Variants in TASOR observed in about 807,000 individuals in gnomAD.
The protein encoded by TASOR is protein TASOR.
In TASOR, 53 loss-of-function variants were observed where a neutral mutation model predicts 178.6. The observed-to-expected ratio is 0.30, with a 90% CI of 0.24 to 0.37. TASOR has a LOEUF of 0.37. Ranked by LOEUF, TASOR falls within the 10% of genes least tolerant of loss-of-function variation. The probability of loss-of-function intolerance (pLI) is 1.00; values close to 1 mark genes in which losing one functional copy is unlikely to be tolerated. For synonymous variants in TASOR, 713 were observed against 696.2 expected (o/e 1.02, Z -0.38); for missense variants, 1,815 against 1,971.4 (o/e 0.92, Z 1.50).
chr3:56,623,510 C>A lies in TASOR; in HGVS notation c.4540G>T (p.Glu1514Ter). The part of the protein sequence containing the change: ...EEDMSLDSGD[E>*]ISHIEVCSNF... ...CTGCATACTTCTATATGTGAGATTT[C>A]ATCCCCTGAATCCAGAGACATATCC... Residue 1514 changes from glutamate to a stop codon, truncating the protein, a stop_gained, in exon 24 of 24, where the codon GAA becomes TAA. Transcript: ENST00000683822. LOFTEE classifies it high-confidence loss of function. 1 of 1,610,348 alleles carries A rather than the reference C, an allele frequency of 6.2e-7. No individual in the cohort carries two copies.
chr3:56,625,104 A>G, intron 21 of TASOR, 98 bp from the exon 22 acceptor site: 1 of 1,038,962 alleles, frequency 9.6e-7, no homozygotes, highest in Non-Finnish European at 1.4e-6. Context: ...CACTGAGGCA[A>G]CTAATGACAA....
chr3:56,639,641 T>A (rs2077083073), intron 16 of TASOR, among the ~76,000 whole-genome samples: 1 of 152,228 alleles, frequency 6.6e-6, no homozygotes, highest in African/African-American at 2.4e-5. Flanking sequence ...TAATTGGTTG[T>A]CCAAAGAGCA....
At chr3:56,643,774 A>AAC (rs1451278629) in intron 14 of TASOR, among the ~76,000 whole-genome samples, 2 of 152,008 alleles carry the variant, frequency 1.3e-5, no homozygotes, top group African/African-American at 2.4e-5. Flanking sequence ...AAAAACAAAA[A>AAC]AAAAAGTTAG....
chr3:56,659,232 CA>C (rs2077541787), intron 11 of TASOR, among the ~76,000 whole-genome samples: 1 of 152,010 alleles, frequency 6.6e-6, no homozygotes, highest in Non-Finnish European at 1.5e-5. Context: ...AACTGAGGCT[CA>C]ACAAAGTGAG....
intron 1 of TASOR, 95 bp downstream of exon 1, chr3:56,682,581 T>G (rs964274083): frequency 1.4e-5 from 16 of 1,130,684 alleles, no homozygotes; most frequent in Non-Finnish European, 1.9e-5. Context: ...CGTGTTTACG[T>G]ATCTCGGATG....
chr3:56,646,843 A>T lies in TASOR; in HGVS notation c.1894T>A (p.Phe632Ile). 6.2e-7 allele frequency: 1 copy of T among 1,607,192 alleles called. No individual in the cohort carries two copies. The highest frequency in any genetic ancestry group is 1.1e-5 in the South Asian group (1 of 88,776). Reference sequence around the variant, plus strand: ...CCTTCATAATCTGAAAGTGGACTAAACTGCTGAAGTTTTCTATTTTCTTCA... The same window carrying T: ...CCTTCATAATCTGAAAGTGGACTAATCTGCTGAAGTTTTCTATTTTCTTCA... ...LFEENRKLQQ[F>I]SPLSDYEGQE... Residue 632 changes from phenylalanine (F) to isoleucine (I), a missense_variant, in exon 14 of 24, where the codon TTT becomes ATT. Around this residue, in one of 5 missense-constraint regions of TASOR, gnomAD observed 504 missense variants for 645.3 expected, o/e 0.78. Coordinates refer to ENST00000683822, the MANE Select transcript of TASOR (RefSeq NM_001365635.2).
chr3:56,673,240 T>C (rs1352223760), intron 2 of TASOR, among the ~76,000 whole-genome samples: 2 of 152,040 alleles, frequency 1.3e-5, no homozygotes, highest in South Asian at 2.1e-4. Flanking sequence ...TACAGCAACA[T>C]CTGGTGGAAA....
chr3:56,677,840 A>G (rs1050894878), intron 1 of TASOR, among the ~76,000 whole-genome samples: 1 of 152,190 alleles, frequency 6.6e-6, no homozygotes, highest in Non-Finnish European at 1.5e-5. Flanking sequence ...AAGAGTCGTA[A>G]CACCCTTTGT....
chr3:56,657,005 C>T (rs1046001360), intron 11 of TASOR, among the ~76,000 whole-genome samples: 4 of 146,056 alleles, frequency 2.7e-5, no homozygotes, highest in South Asian at 2.1e-4. Flanking sequence ...AGCGAAACAC[C>T]GTCAAAAAAA....
chr3:56,623,776 A>G (rs1291365980), intron 23 of TASOR: 3 of 1,550,706 alleles, frequency 1.9e-6, no homozygotes, highest in Non-Finnish European at 8.7e-7. Context: ...CTTCTGCGAA[A>G]TGTGTTCACG....
intron 9 of TASOR, among the ~76,000 whole-genome samples, chr3:56,662,130 C>CAA (rs766914234): frequency 6.8e-5 from 6 of 88,584 alleles, no homozygotes; most frequent in Middle Eastern, 0.013. Flanking sequence ...AACTCCGTCT[C>CAA]AAAAAAAAAA....
chr3:56,623,871 G>C lies in TASOR; in HGVS notation c.4484-305C>G, dbSNP rs141000613. The C allele has an allele frequency of 3.3e-6, 5 of 1,529,846 alleles. No individual in the cohort carries two copies. The East Asian group carries it at 9.9e-5, about 30-fold the overall frequency. The allele number at this position is 1,529,846 out of a possible 1,614,324, so 94.8% of individuals were successfully genotyped here. A position where few individuals can be genotyped will look rare whatever the true frequency, so the allele number is the denominator to read the frequency against. ...AAAGTTATACGGTAATTCAGTATTT[G>C]ACAAGACAAATATAAAATAAAATTT... On this transcript the variant is annotated intron_variant, in intron 23 of 23. Coordinates refer to ENST00000683822, the MANE Select transcript of TASOR (RefSeq NM_001365635.2).
At chr3:56,649,971 G>A (rs1231813478) in intron 11 of TASOR, among the ~76,000 whole-genome samples, 1 of 152,224 alleles carries the variant, frequency 6.6e-6, no homozygotes, top group Non-Finnish European at 1.5e-5. Context: ...CCAGAAGCCA[G>A]GCTGGCCAGG....
chr3:56,638,260 G>C (rs1015634936), intron 17 of TASOR, among the ~76,000 whole-genome samples: 7 of 152,124 alleles, frequency 4.6e-5, no homozygotes, highest in Non-Finnish European at 7.4e-5. Flanking sequence ...AGCTACTTGG[G>C]AGGCTGAGGA....
intron 1 of TASOR, among the ~76,000 whole-genome samples, chr3:56,676,499 T>C (rs1457082245): frequency 6.6e-6 from 1 of 152,182 alleles, no homozygotes; most frequent in Non-Finnish European, 1.5e-5. Context: ...AAGCAGCATG[T>C]GGAGGTCTTT....
chr3:56,663,615 A>G (rs1480903452), intron 7 of TASOR, 43 bp from the exon 8 acceptor site: 4 of 1,290,130 alleles, frequency 3.1e-6, no homozygotes, highest in Non-Finnish European at 2.0e-6. Context: ...ACTCATTAGT[A>G]TAATCATAAA....
chr3:56,680,667 AGCT>A (rs1205017825), intron 1 of TASOR, among the ~76,000 whole-genome samples: 6 of 151,494 alleles, frequency 4.0e-5, no homozygotes, highest in Non-Finnish European at 8.8e-5. Flanking sequence ...GTGGTAAAAT[AGCT>A]GCTTATTTAA....
At chr3:56,664,673 A>G (rs910427493) in intron 7 of TASOR, among the ~76,000 whole-genome samples, 1 of 152,236 alleles carries the variant, frequency 6.6e-6, no homozygotes, top group African/African-American at 2.4e-5. Context: ...ATGACTTCAA[A>G]TATGTATACA....
intron 18 of TASOR, among the ~76,000 whole-genome samples, chr3:56,630,338 T>C (rs530467514): frequency 2.4e-4 from 37 of 152,354 alleles, no homozygotes; most frequent in African/African-American, 8.9e-4. Flanking sequence ...AAAGTTTACA[T>C]TTTTATTCAT....
Sources: allele counts gnomAD v4.1 joint callset (sites outside exome capture counted in the v4.1 genomes callset), GRCh38; gene constraint gnomAD v4.1.1; regional missense constraint gnomAD v4.1.1; transcripts MANE v1.5; gene names NCBI Gene and HGNC (gene_info 2026-07-23, HGNC 2026-07-21).